The following ZNF804B variants were observed in gnomAD, a reference collection of about 807,000 sequenced individuals.
ZNF804B encodes the protein zinc finger protein 804B, also known as zinc finger 804B.
ZNF804B carries 80 observed loss-of-function variants against 101.4 expected under a neutral mutation model. That is an observed-to-expected ratio of 0.79 (90% CI 0.66 to 0.95). The LOEUF (loss-of-function observed/expected upper bound fraction) is 0.95. Among genes scored for constraint, ZNF804B ranks in the 40% least tolerant of loss-of-function variants. The probability of loss-of-function intolerance (pLI) is 0.00; values close to 1 mark genes in which losing one functional copy is unlikely to be tolerated. For missense variants in ZNF804B, 1,673 were observed against 1,561.9 expected (o/e 1.07, Z -1.20); for synonymous variants, 622 against 558.8 (o/e 1.11, Z -1.59).
chr7:88,950,033 T>G (rs887003561), intron 1 of ZNF804B, among the ~76,000 whole-genome samples: 2 of 152,076 alleles, frequency 1.3e-5, no homozygotes, highest in Non-Finnish European at 1.5e-5. Context: ...ACATGCAATT[T>G]ATTTTTGTAT....
chr7:88,760,931 A>AATATAT (rs1191647729), intron 1 of ZNF804B, among the ~76,000 whole-genome samples: 1 of 138,798 alleles, frequency 7.2e-6, no homozygotes, highest in Non-Finnish European at 1.6e-5. Flanking sequence ...ATATATAATA[A>AATATAT]ATATATATAT....
intron 1 of ZNF804B, among the ~76,000 whole-genome samples, chr7:89,062,352 A>G (rs1052424973): frequency 1.3e-5 from 2 of 151,816 alleles, no homozygotes; most frequent in Non-Finnish European, 2.9e-5. Flanking sequence ...AACTCCCTTC[A>G]CACCCCATTT....
rs201597943 is a variant in ZNF804B at position 89,208,081 on chromosome 7, G to GTTTTTTTTTTTTTTTTTTTTTTTTT, written c.109-10074_109-10073insTTTTTTTTTTTTTTTTTTTTTTTTT. Among the ~76,000 whole-genome samples, 2 of 135,422 alleles carry GTTTTTTTTTTTTTTTTTTTTTTTTT rather than the reference G, an allele frequency of 1.5e-5. 1 individual carries two copies. 88.8% of individuals were successfully genotyped at this position (135,422 alleles called of 152,430 possible). ...GTGTGTTATATTTACTATTTTATTGGGTTTTTTTTTTTTTTTTTGAGACAG... is the reference window on the plus strand; with the variant it reads ...GTGTGTTATATTTACTATTTTATTGGTTTTTTTTTTTTTTTTTTTTTTTTTGTTTTTTTTTTTTTTTTTGAGACAG... On this transcript the variant is annotated intron_variant, in intron 1 of 3. Transcript: ENST00000333190.
At position 89,333,392 on chromosome 7, in the gene ZNF804B, C is replaced by T. The variant is rs1392864030; in HGVS notation, c.410C>T (p.Ala137Val). Reference sequence around the variant, plus strand: ...TCTGGAAATGGACCAGCATACAAAGCCCCCAGGGTAGCCATAGAAAAGCAA... The same window carrying T: ...TCTGGAAATGGACCAGCATACAAAGTCCCCAGGGTAGCCATAGAAAAGCAA... The part of the protein sequence containing the change: ...CVSGNGPAYK[A>V]PRVAIEKQLQ... Residue 137 changes from alanine to valine, a missense_variant, in exon 4 of 4, where the codon GCC (alanine) becomes GTC (valine). Coordinates refer to ENST00000333190, the MANE Select transcript of ZNF804B (RefSeq NM_181646.5). 3.7e-6 allele frequency: 6 copies of T among 1,607,580 alleles called. No homozygotes were observed. The highest frequency in any genetic ancestry group is 1.7e-4 in the Middle Eastern group (1 of 6,026).
intron 1 of ZNF804B, among the ~76,000 whole-genome samples, chr7:88,961,651 C>T (rs1448611588): frequency 6.6e-6 from 1 of 151,382 alleles, no homozygotes; most frequent in Non-Finnish European, 1.5e-5. Context: ...TATCTCTTCA[C>T]AGAATTTGCC....
intron 2 of ZNF804B, among the ~76,000 whole-genome samples, chr7:89,325,206 C>T (rs916456970): frequency 3.3e-5 from 5 of 151,732 alleles, no homozygotes; most frequent in Admixed American, 2.6e-4. Flanking sequence ...TTTTTCTCTA[C>T]TTAAACTTGA....
chr7:89,259,554 C>T (rs76734572), intron 2 of ZNF804B, among the ~76,000 whole-genome samples: 1 of 152,152 alleles, frequency 6.6e-6, no homozygotes, highest in Non-Finnish European at 1.5e-5. Flanking sequence ...TCTTCTATTG[C>T]ATTGACAAGA....
chr7:89,136,983 C>T (rs1018023598), intron 1 of ZNF804B, among the ~76,000 whole-genome samples: 3 of 151,866 alleles, frequency 2.0e-5, no homozygotes, highest in South Asian at 4.2e-4. Context: ...GTAACAACCA[C>T]GTAAGAAATG....
intron 1 of ZNF804B, among the ~76,000 whole-genome samples, chr7:89,062,817 A>G (rs78649236): frequency 0.012 from 1,840 of 152,204 alleles, 34 homozygotes; most frequent in African/African-American, 0.042. Context: ...ACTTATTTAT[A>G]TTTGTATGCT....
At chr7:88,866,016 A>G (rs1354367110) in intron 1 of ZNF804B, among the ~76,000 whole-genome samples, 1 of 152,168 alleles carries the variant, frequency 6.6e-6, no homozygotes, top group African/African-American at 2.4e-5. Flanking sequence ...ATCTTTGTGT[A>G]TTGATTTTTG....
chr7:89,131,196 T>G (rs1470468900), intron 1 of ZNF804B, among the ~76,000 whole-genome samples: 2 of 152,036 alleles, frequency 1.3e-5, no homozygotes, highest in Admixed American at 1.3e-4. Flanking sequence ...TTATGTTTTT[T>G]GAAAGCCCAA....
intron 1 of ZNF804B, among the ~76,000 whole-genome samples, chr7:89,065,733 AGAGGCT>A (rs1438795614): frequency 6.6e-6 from 1 of 152,022 alleles, no homozygotes; most frequent in Admixed American, 6.6e-5. Flanking sequence ...TCCAGCTTCT[AGAGGCT>A]GGCTGCCTGC....
At chr7:88,849,398 T>C (rs1362494331) in intron 1 of ZNF804B, among the ~76,000 whole-genome samples, 2 of 151,868 alleles carry the variant, frequency 1.3e-5, no homozygotes, top group Admixed American at 1.3e-4. Flanking sequence ...ATGAAAAGAG[T>C]GGGCTTAATC....
At chr7:89,325,718 G>A (rs559665000) in intron 2 of ZNF804B, among the ~76,000 whole-genome samples, 11 of 151,926 alleles carry the variant, frequency 7.2e-5, no homozygotes, top group African/African-American at 2.4e-4. Context: ...TATTATACAA[G>A]TTTTGTGTGC....
chr7:88,870,400 A>AAAAAAAAG (rs1554341919), intron 1 of ZNF804B, among the ~76,000 whole-genome samples: 4,270 of 112,454 alleles, frequency 0.038, 375 homozygotes, highest in Non-Finnish European at 0.046. Flanking sequence ...AAAAAAAAAA[A>AAAAAAAAG]AAAAAAAGGT....
chr7:89,320,948 A>G (rs1790809627), intron 2 of ZNF804B, among the ~76,000 whole-genome samples: 1 of 152,174 alleles, frequency 6.6e-6, no homozygotes. Context: ...TCATACAAAA[A>G]TGTATAAATA....
chr7:88,991,199 C>T (rs945193599), intron 1 of ZNF804B, among the ~76,000 whole-genome samples: 2 of 152,140 alleles, frequency 1.3e-5, no homozygotes, highest in African/African-American at 4.8e-5. Flanking sequence ...TTAGTCAGAT[C>T]CCAGAAGGCA....
At chr7:88,772,685 C>G (rs1790086292) in intron 1 of ZNF804B, among the ~76,000 whole-genome samples, 1 of 152,172 alleles carries the variant, frequency 6.6e-6, no homozygotes, top group Non-Finnish European at 1.5e-5. Context: ...GATTTAATTT[C>G]TGATCTTGTT....
chr7:88,964,095 G>A (rs1793424727), intron 1 of ZNF804B, among the ~76,000 whole-genome samples: 1 of 151,338 alleles, frequency 6.6e-6, no homozygotes, highest in African/African-American at 2.4e-5. Flanking sequence ...ATGCAAAATG[G>A]TGCAGCTGCT....
Sources: allele counts gnomAD v4.1 joint callset (sites outside exome capture counted in the v4.1 genomes callset), GRCh38; gene constraint gnomAD v4.1.1; transcripts MANE v1.5; gene names NCBI Gene and HGNC (gene_info 2026-07-23, HGNC 2026-07-21).